RNASEH2B: variants seen among roughly 807,000 people sequenced by gnomAD.
RNASEH2B encodes ribonuclease H2 subunit B, also known as Aicardi-Goutieres syndrome 2 protein.
A neutral mutation model predicts 45.0 loss-of-function variants in RNASEH2B; 36 were observed. The observed-to-expected ratio is 0.80, with a 90% CI of 0.61 to 1.06. The LOEUF (loss-of-function observed/expected upper bound fraction) is 1.06. Among genes scored for constraint, RNASEH2B ranks in the 50% least tolerant of loss-of-function variants. The pLI is 0.00. For missense variants in RNASEH2B, 361 were observed against 360.3 expected (o/e 1.00, Z -0.02); for synonymous variants, 119 against 125.7 (o/e 0.95, Z 0.35).
intron 1 of RNASEH2B, among the ~76,000 whole-genome samples, chr13:50,923,084 A>C (rs776480835): frequency 7.2e-5 from 11 of 152,194 alleles, no homozygotes; most frequent in Non-Finnish European, 1.5e-4. Context: ...CAGAGGAAAG[A>C]ATTAGAAAAC....
At chr13:50,920,019 GTTTTGTTTTGTTTT>G (rs1397298893) in intron 1 of RNASEH2B, among the ~76,000 whole-genome samples, 1 of 146,070 alleles carries the variant, frequency 6.8e-6, no homozygotes, top group Non-Finnish European at 1.5e-5. Flanking sequence ...GTTTTGTTTT[GTTTTGTTTTGTTTT>G]GTTTTGTTTT....
intron 1 of RNASEH2B, among the ~76,000 whole-genome samples, chr13:50,918,758 G>T (rs1951480613): frequency 6.6e-6 from 1 of 152,208 alleles, no homozygotes. Context: ...TTCCAAGGAA[G>T]TATCTGGCAA....
chr13:50,969,889 T>A (rs1215975040), intron 9 of RNASEH2B: 1 of 1,541,342 alleles, frequency 6.5e-7, no homozygotes, highest in Admixed American at 2.0e-5. Flanking sequence ...GGTGACTGTT[T>A]CTCCTCACCA....
At chr13:50,913,499 A>G (rs9526705) in intron 1 of RNASEH2B, among the ~76,000 whole-genome samples, 36,011 of 151,790 alleles carry the variant, frequency 0.24, 5,013 homozygotes, top group Non-Finnish European at 0.32. Flanking sequence ...AAAAAAAAAA[A>G]AAGAAGAAAA....
At chr13:50,967,871 G>A (rs574939484) in intron 9 of RNASEH2B, among the ~76,000 whole-genome samples, 73 of 152,314 alleles carry the variant, frequency 4.8e-4, no homozygotes, top group African/African-American at 1.7e-3. Context: ...TCTCTTGGAA[G>A]ACAAAGAGCT....
At chr13:50,929,267 T>C (rs1297482666) in intron 2 of RNASEH2B, among the ~76,000 whole-genome samples, 1 of 152,200 alleles carries the variant, frequency 6.6e-6, no homozygotes, top group Non-Finnish European at 1.5e-5. Flanking sequence ...TTGGTTTAAG[T>C]CCAGTGAGGA....
intron 4 of RNASEH2B, among the ~76,000 whole-genome samples, chr13:50,933,338 A>G (rs1951706241): frequency 6.6e-6 from 1 of 152,186 alleles, no homozygotes; most frequent in Admixed American, 6.5e-5. Flanking sequence ...TGGCGAGCTC[A>G]CGTTGACAAG....
In RNASEH2B at chr13:50,916,276, A is replaced by C. The variant is rs572969765; in HGVS notation, c.64+6136A>C. On this transcript the variant is annotated intron_variant, in intron 1 of 10. Transcript: ENST00000336617. ...ATTGTTTACCCTTACTACTTATTTA[A>C]TGTAACACTAAAACACTCAGGGAGA... Among the ~76,000 whole-genome samples the C allele has an allele frequency of 1.0e-3, 155 of 152,110 alleles. 2 individuals are homozygous for C. Among genetic ancestry groups the C allele is most frequent in the African/African-American group, 3.6e-3 (150 of 41,488 alleles).
intron 1 of RNASEH2B, chr13:50,913,181 G>C (rs952933958): frequency 1.3e-5 from 2 of 152,136 alleles, no homozygotes; most frequent in African/African-American, 4.8e-5. Flanking sequence ...CTGTAAAATG[G>C]CCTGGGAATA....
At chr13:50,954,170 CTT>C (rs1952013752) in intron 10 of RNASEH2B, 185 bp downstream of exon 10, 1 of 646,948 alleles carries the variant, frequency 1.5e-6, no homozygotes, top group African/African-American at 1.8e-5. Flanking sequence ...GCAACTAAGA[CTT>C]ATTATTAGTC....
At chr13:50,963,491 C>T (rs1319717045) in intron 9 of RNASEH2B, among the ~76,000 whole-genome samples, 4 of 152,146 alleles carry the variant, frequency 2.6e-5, no homozygotes, top group Non-Finnish European at 4.4e-5. Flanking sequence ...TAGTTCTAGA[C>T]GTTCCATTTG....
intron 8 of RNASEH2B, 68 bp from the exon 9 acceptor site, chr13:50,949,395 G>T: frequency 7.1e-7 from 1 of 1,406,974 alleles, no homozygotes; most frequent in Non-Finnish European, 1.0e-6. Flanking sequence ...GTCTTAAGTT[G>T]GCCCTGTCTT....
At chr13:50,919,757 A>G (rs1024450851) in intron 1 of RNASEH2B, among the ~76,000 whole-genome samples, 1 of 152,186 alleles carries the variant, frequency 6.6e-6, no homozygotes, top group African/African-American at 2.4e-5. Context: ...TCCTGGCTCT[A>G]TAGTTGACTT....
At chr13:50,951,868 T>G (rs1249828485) in intron 9 of RNASEH2B, 2 of 152,220 alleles carry the variant, frequency 1.3e-5, no homozygotes, top group East Asian at 3.8e-4. Flanking sequence ...CACTTGTAAC[T>G]GGTATCTTGT....
chr13:50,963,967 G>A (rs1026767436), intron 9 of RNASEH2B, among the ~76,000 whole-genome samples: 1 of 152,206 alleles, frequency 6.6e-6, no homozygotes, highest in African/African-American at 2.4e-5. Flanking sequence ...GGAGGCCAGG[G>A]CGGGCAGATC....
At chr13:50,946,616 A>G (rs1342473782) in intron 7 of RNASEH2B, among the ~76,000 whole-genome samples, 5 of 152,022 alleles carry the variant, frequency 3.3e-5, no homozygotes, top group African/African-American at 1.2e-4. Context: ...AAAGTAGGAG[A>G]AGGGATGTTA....
At chr13:50,952,055 G>A (rs965787093) in intron 9 of RNASEH2B, 1 of 152,160 alleles carries the variant, frequency 6.6e-6, no homozygotes, top group Admixed American at 6.5e-5. Context: ...AGCTACTCAG[G>A]AGGCTAAGGC....
intron 6 of RNASEH2B, among the ~76,000 whole-genome samples, chr13:50,944,221 G>A (rs1293068288): frequency 6.6e-6 from 1 of 152,130 alleles, no homozygotes; most frequent in Non-Finnish European, 1.5e-5. Flanking sequence ...CTGGTCTAAG[G>A]ATAATATGTA....
intron 1 of RNASEH2B, among the ~76,000 whole-genome samples, chr13:50,913,739 G>C (rs918728330): frequency 6.6e-6 from 1 of 152,170 alleles, no homozygotes; most frequent in East Asian, 1.9e-4. Flanking sequence ...TCCACAGAAA[G>C]CAGTTTCATG....
Sources: gnomAD v4.1 joint callset for allele counts (sites outside exome capture counted in the v4.1 genomes callset) on GRCh38, gnomAD v4.1.1 for gene constraint, MANE v1.5 for transcripts, NCBI Gene and HGNC (gene_info 2026-07-23, HGNC 2026-07-21) for gene names.